Variants in NR2C1 observed in about 807,000 individuals in gnomAD.
The protein encoded by NR2C1 is TR2 nuclear hormone receptor.
In NR2C1, 33 loss-of-function variants were observed where a neutral mutation model predicts 74.8. That is an observed-to-expected ratio of 0.44 (90% CI 0.33 to 0.59). The LOEUF is 0.59. Ranked by LOEUF, NR2C1 falls within the 20% of genes least tolerant of loss-of-function variation. NR2C1 has a pLI of 0.02. For synonymous variants in NR2C1, 225 were observed against 240.6 expected, an observed-to-expected ratio of 0.94 and a Z score of 0.60; for missense variants, 568 against 715.6, an observed-to-expected ratio of 0.79 and a Z score of 2.35.
intron 13 of NR2C1, among the ~76,000 whole-genome samples, chr12:95,022,637 C>G (rs902977452): frequency 1.3e-5 from 2 of 152,126 alleles, no homozygotes; most frequent in Non-Finnish European, 2.9e-5. Context: ...CTACACTGTA[C>G]TGCCTCCACT....
chr12:95,036,060 A>G (rs1592735934), intron 10 of NR2C1, among the ~76,000 whole-genome samples: 2 of 152,336 alleles, frequency 1.3e-5, no homozygotes, highest in Middle Eastern at 3.4e-3. Context: ...GTGAAATGCT[A>G]AAGTCAGTAA....
At chr12:95,045,091 C>A (rs530058414) in intron 9 of NR2C1, among the ~76,000 whole-genome samples, 1 of 152,162 alleles carries the variant, frequency 6.6e-6, no homozygotes, top group African/African-American at 2.4e-5. Context: ...CTGCTTCCAA[C>A]TTTTTGTTAA....
In NR2C1 at chr12:95,020,707, T is replaced by G. The variant is rs1868694427; in HGVS notation, c.*1522A>C. On this transcript the variant is annotated 3_prime_UTR_variant, in exon 14 of 14. Transcript: ENST00000333003. ...CTCTGAGTGCATTATCCGTGTTTGC[T>G]TTAAAAATCAACAAACATACCAAAA... 6.6e-6 allele frequency: 1 copy of G among 152,214 alleles called. No individual in the cohort carries two copies. Among genetic ancestry groups the G allele is most frequent in the Admixed American group, 6.5e-5 (1 of 15,272 alleles). The allele number at this position is 152,214 out of a possible 1,614,324, so 9.4% of individuals were successfully genotyped here.
rs190672297 is a variant in NR2C1 at position 95,062,629 on chromosome 12, C to T, written c.164G>A (p.Ser55Asn). 232 of 1,614,048 alleles carry T rather than the reference C, an allele frequency of 1.4e-4. No homozygotes were observed. In the Admixed American group the frequency reaches 2.1e-3, roughly 14 times the overall value. The change falls in exon 3 of 14, where the codon AGC (serine) becomes AAC (asparagine). Residue 55 changes from serine (S) to asparagine (N), a missense_variant. Physicochemically the swap from Ser to Asn is conservative, Grantham distance 46. Around this residue, in one of 6 missense-constraint regions of NR2C1, gnomAD observed 128 missense variants for 118.9 expected, o/e 1.08. Transcript: ENST00000333003. ...ATCTTGCCTGGCCAGAATGACTTTGCTTGGAGTAGAGCCGTCGTGATTTGT... is the reference window on the plus strand; with the variant it reads ...ATCTTGCCTGGCCAGAATGACTTTGTTTGGAGTAGAGCCGTCGTGATTTGT... ...ILTNHDGSTP[S>N]KVILARQDST...
At position 95,058,204 on chromosome 12, in the gene NR2C1, T is replaced by C. The variant is rs529915995; in HGVS notation, c.544+106A>G. ...ATTCTTATATTTTTAGTTGGAAAAC[T>C]GTAAACTAAAAAGTATACATATTTG... is the stretch of plus-strand genomic sequence containing the variant. On this transcript the variant is annotated intron_variant, in intron 5 of 13. Transcript: ENST00000333003. 205 of 1,041,076 alleles carry C rather than the reference T, an allele frequency of 2.0e-4. No individual in the cohort carries two copies. The African/African-American group carries it at 3.0e-3, about 15-fold the overall frequency. The allele number at this position is 1,041,076 out of a possible 1,614,324, so 64.5% of individuals were successfully genotyped here.
intron 3 of NR2C1, among the ~76,000 whole-genome samples, chr12:95,061,110 C>T (rs192741831): frequency 1.9e-4 from 29 of 152,310 alleles, no homozygotes; most frequent in Non-Finnish European, 3.5e-4. Context: ...GCACATCCTA[C>T]AATATACCTG....
At chr12:95,067,533 C>T in intron 1 of NR2C1, 142 bp from the exon 2 acceptor site, 1 of 663,700 alleles carries the variant, frequency 1.5e-6, no homozygotes, top group Non-Finnish European at 2.5e-6. Flanking sequence ...TCTGAAGTTT[C>T]TTTTTTCCAT....
chr12:95,031,088 G>A (rs1870042340), intron 11 of NR2C1, among the ~76,000 whole-genome samples: 1 of 152,102 alleles, frequency 6.6e-6, no homozygotes, highest in Admixed American at 6.5e-5. Flanking sequence ...TTTGATAGTT[G>A]CACAAAAATT....
intron 7 of NR2C1, among the ~76,000 whole-genome samples, chr12:95,056,198 C>T (rs966855834): frequency 7.2e-5 from 11 of 151,950 alleles, no homozygotes; most frequent in African/African-American, 2.7e-4. Flanking sequence ...CCTGAGAGGA[C>T]GAGGCTGCAG....
At chr12:95,065,288 T>C (rs1049030849) in intron 2 of NR2C1, among the ~76,000 whole-genome samples, 1 of 152,158 alleles carries the variant, frequency 6.6e-6, no homozygotes, top group East Asian at 1.9e-4. Flanking sequence ...GTTCAAGCGA[T>C]TCTCCTGCCT....
At chr12:95,030,757 C>T in intron 11 of NR2C1, 1 of 1,608,992 alleles carries the variant, frequency 6.2e-7, no homozygotes, top group Non-Finnish European at 8.5e-7. Context: ...GGCAATTTTC[C>T]CCATTTGTTG....
chr12:95,068,765 G>C (rs1876124356), intron 1 of NR2C1, among the ~76,000 whole-genome samples: 1 of 150,330 alleles, frequency 6.7e-6, no homozygotes. Context: ...TTGCACTCCA[G>C]TCTGGGCCAC....
At chr12:95,027,226 TTC>T (rs1050143439) in intron 12 of NR2C1, among the ~76,000 whole-genome samples, 61 of 152,182 alleles carry the variant, frequency 4.0e-4, no homozygotes, top group African/African-American at 1.1e-3. Flanking sequence ...AGCTAATTTT[TTC>T]TGTTTTGATT....
rs534292454 is a variant in NR2C1 at position 95,036,640 on chromosome 12, A to G, written c.1253+3836T>C. Among the ~76,000 whole-genome samples, 7 of 151,598 alleles carry G rather than the reference A, an allele frequency of 4.6e-5. No individual in the cohort carries two copies. In the East Asian group the frequency reaches 1.4e-3, roughly 29 times the overall value. The stretch of plus-strand genomic sequence containing the variant: ...ATTCTCCTGCCTCAGCCTCCTGCGT[A>G]GCTGGGATTACAGGCAGCTGCCACC... On this transcript the variant is annotated intron_variant, in intron 10 of 13. Coordinates refer to ENST00000333003, the MANE Select transcript of NR2C1 (RefSeq NM_003297.4).
intron 8 of NR2C1, among the ~76,000 whole-genome samples, chr12:95,050,035 A>G (rs1220698629): frequency 2.0e-5 from 3 of 152,090 alleles, no homozygotes. Flanking sequence ...TCCTGGACTC[A>G]AGCAATCCTG....
intron 10 of NR2C1, among the ~76,000 whole-genome samples, chr12:95,040,111 G>A (rs568500653): frequency 2.6e-5 from 4 of 151,904 alleles, no homozygotes; most frequent in African/African-American, 7.2e-5. Context: ...TGCCTGGGAT[G>A]AACACTGAAA....
chr12:95,036,693 T>G (rs1167167078), intron 10 of NR2C1, among the ~76,000 whole-genome samples: 1 of 152,026 alleles, frequency 6.6e-6, no homozygotes, highest in Non-Finnish European at 1.5e-5. Context: ...GAATTTTTAG[T>G]AGAGACAGGG....
chr12:95,058,555 A>C (rs1874249843), intron 4 of NR2C1, 66 bp from the exon 5 acceptor site: 3 of 1,278,598 alleles, frequency 2.3e-6, no homozygotes, highest in Non-Finnish European at 1.1e-6. Context: ...GACATAAGCC[A>C]ATTTCTTCCC....
At chr12:95,072,451 C>CT (rs1348645029) in intron 1 of NR2C1, among the ~76,000 whole-genome samples, 1 of 113,250 alleles carries the variant, frequency 8.8e-6, no homozygotes, top group Non-Finnish European at 1.8e-5. Context: ...CTCCCTCTCC[C>CT]TCTCAAAAAA....
Sources: allele counts gnomAD v4.1 joint callset (sites outside exome capture counted in the v4.1 genomes callset), GRCh38; gene constraint gnomAD v4.1.1; regional missense constraint gnomAD v4.1.1; transcripts MANE v1.5; gene names NCBI Gene and HGNC (gene_info 2026-07-23, HGNC 2026-07-21).